The following ZDHHC20 variants were observed in gnomAD, a reference collection of about 807,000 sequenced individuals.
ZDHHC20 encodes palmitoyltransferase ZDHHC20.
In ZDHHC20, 43 loss-of-function variants were observed where a neutral mutation model predicts 57.8. The ratio of observed to expected loss-of-function variants is 0.74; its 90% CI spans 0.58 to 0.96. ZDHHC20 has a LOEUF of 0.96. ZDHHC20 is among the 40% of genes least tolerant of loss of function. The probability of loss-of-function intolerance (pLI) is 0.00; values close to 1 mark genes in which losing one functional copy is unlikely to be tolerated. For synonymous variants in ZDHHC20, 157 were observed against 153.0 expected (o/e 1.03, Z -0.19); for missense variants, 391 against 441.1 (o/e 0.89, Z 1.02).
intron 1 of ZDHHC20, among the ~76,000 whole-genome samples, chr13:21,448,375 C>T (rs1884048315): frequency 9.5e-6 from 1 of 104,760 alleles, no homozygotes. Context: ...GGTGGGGGGT[C>T]AGCCCCCCGC....
rs189205979 is a variant in ZDHHC20 at position 21,392,408 on chromosome 13, G to C, written c.595-554C>G. The stretch of plus-strand genomic sequence containing the variant: ...ATTTGCTGCTAACTAAAAACTAATT[G>C]TGAAATATTTTTGGACTTCTTTAAT... On this transcript the variant is annotated intron_variant, in intron 7 of 12. Coordinates refer to ENST00000400590, the MANE Select transcript of ZDHHC20 (RefSeq NM_001330059.2). 1.9e-3 allele frequency among the ~76,000 whole-genome samples: 293 copies of C among 152,234 alleles called. 1 individual carries two copies. Among genetic ancestry groups the C allele is most frequent in the Middle Eastern group, 6.8e-3 (2 of 294 alleles).
At chr13:21,392,997 T>C (rs907416945) in intron 7 of ZDHHC20, among the ~76,000 whole-genome samples, 2 of 152,184 alleles carry the variant, frequency 1.3e-5, no homozygotes, top group African/African-American at 4.8e-5. Context: ...CGGCAAAGCT[T>C]GTGCAAATAG....
At chr13:21,400,774 A>C (rs1877513107) in intron 6 of ZDHHC20, among the ~76,000 whole-genome samples, 1 of 152,002 alleles carries the variant, frequency 6.6e-6, no homozygotes, top group South Asian at 2.1e-4. Context: ...GCAGTGGCAC[A>C]ATCTCGGCTC....
intron 1 of ZDHHC20, among the ~76,000 whole-genome samples, chr13:21,448,340 G>A (rs1243472461): frequency 9.4e-6 from 1 of 106,926 alleles, no homozygotes; most frequent in Non-Finnish European, 2.2e-5. Flanking sequence ...CCCCCCGCCC[G>A]GCCAGCCGCC....
chr13:21,416,025 A>C (rs993246681), intron 3 of ZDHHC20, among the ~76,000 whole-genome samples: 35 of 150,458 alleles, frequency 2.3e-4, no homozygotes, highest in Non-Finnish European at 3.1e-4. Context: ...ACATGATGAA[A>C]CCCCCGCCTC....
At chr13:21,382,107 A>G (rs1873535118) in intron 10 of ZDHHC20, 1 of 332,152 alleles carries the variant, frequency 3.0e-6, no homozygotes, top group Non-Finnish European at 6.2e-6. Context: ...TCTTATACAC[A>G]TTATCTCAAC....
In ZDHHC20 at chr13:21,391,788, A is replaced by G. The variant is rs1407393983; in HGVS notation, c.661T>C (p.Phe221Leu). The change falls in exon 8 of 13, where the codon TTC becomes CTC. Residue 221 changes from phenylalanine (F) to leucine (L), a missense_variant. This residue lies in a region of ZDHHC20 where 197 missense variants were observed against 220.8 expected (regional missense o/e 0.89). Transcript: ENST00000400590. ...CTGAAAAGTGAGAGGACGCTGATGA[A>G]GAACATTGCAGACACAAAGAAAAGA... is the stretch of plus-strand genomic sequence containing the variant. ...LFLFFVSAMF[F>L]ISVLSLFSYH... 5 of 1,613,496 alleles carry G rather than the reference A, an allele frequency of 3.1e-6. No individual in the cohort carries two copies. The Admixed American group carries it at 8.3e-5, about 27-fold the overall frequency.
At chr13:21,378,797 T>C in intron 11 of ZDHHC20, 59 bp from the exon 12 acceptor site, 2 of 1,009,390 alleles carry the variant, frequency 2.0e-6, no homozygotes, top group South Asian at 2.5e-5. Flanking sequence ...AAGTATTAAG[T>C]TTCTGGCTAA....
At chr13:21,428,616 T>C (rs1182743460) in intron 1 of ZDHHC20, among the ~76,000 whole-genome samples, 4 of 151,568 alleles carry the variant, frequency 2.6e-5, no homozygotes. Flanking sequence ...ATCTCAGCAC[T>C]TTGGGAGGCT....
rs1423912906 is a variant in ZDHHC20, at chr13:21,459,178, C to T, written c.-7G>A. 1 of 1,593,586 alleles carries T rather than the reference C, an allele frequency of 6.3e-7. No individual in the cohort carries two copies. The highest frequency in any genetic ancestry group is 8.5e-7 in the Non-Finnish European group (1 of 1,172,000). ...ACAGCGTCCAGGGCGCCATGTTCCG[C>T]TGGCGGCTGCCGAGCCCCGCGTCCC... On this transcript the variant is annotated 5_prime_UTR_variant, in exon 1 of 13. Transcript: ENST00000400590.
Position 21,400,414 on chromosome 13 carries a change from C to T in ZDHHC20, c.553G>A (p.Val185Met), listed in dbSNP as rs377020404. 26 of 1,601,638 alleles carry T rather than the reference C, an allele frequency of 1.6e-5. No individual in the cohort carries two copies. The highest frequency in any genetic ancestry group is 1.3e-4 in the East Asian group (6 of 44,674). ...AAGTACTCTAAAACTGTTGCAGCCA[C>T]GAAAAGGCAATATAATAGGGAATAC... ...LLYSLLYCLF[V>M]AATVLEYFIK... The change falls in exon 7 of 13, where the codon GTG becomes ATG. Residue 185 changes from valine (V) to methionine (M), a missense_variant. Physicochemically the swap from Val to Met is conservative, Grantham distance 21. Coordinates refer to ENST00000400590, the MANE Select transcript of ZDHHC20 (RefSeq NM_001330059.2).
chr13:21,425,827 A>G, intron 1 of ZDHHC20, 149 bp from the exon 2 acceptor site: 1 of 476,532 alleles, frequency 2.1e-6, no homozygotes, highest in Non-Finnish European at 3.2e-6. Flanking sequence ...TCAAAATTGC[A>G]CTTAAAAAAC....
At chr13:21,438,353 T>C (rs566947789) in intron 1 of ZDHHC20, among the ~76,000 whole-genome samples, 22 of 152,108 alleles carry the variant, frequency 1.4e-4, no homozygotes, top group Non-Finnish European at 1.9e-4. Context: ...GGTCAAAATA[T>C]CAACATTAAC....
chr13:21,392,764 AAAG>A (rs1383170328), intron 7 of ZDHHC20, among the ~76,000 whole-genome samples: 4 of 152,342 alleles, frequency 2.6e-5, no homozygotes, highest in African/African-American at 9.6e-5. Flanking sequence ...TTACAGACTA[AAAG>A]AAGACTATTA....
chr13:21,441,429 A>T (rs1883144966), intron 1 of ZDHHC20, among the ~76,000 whole-genome samples: 1 of 147,994 alleles, frequency 6.8e-6, no homozygotes. Context: ...ACTGTCGCCC[A>T]GGCTGGAGTG....
chr13:21,434,261 C>G (rs1415024252), intron 1 of ZDHHC20, among the ~76,000 whole-genome samples: 2 of 152,136 alleles, frequency 1.3e-5, no homozygotes, highest in Admixed American at 6.5e-5. Context: ...ATTGAGAATT[C>G]TGGTTCTCAA....
At chr13:21,413,374 A>C (rs1393194965) in intron 4 of ZDHHC20, among the ~76,000 whole-genome samples, 1 of 152,178 alleles carries the variant, frequency 6.6e-6, no homozygotes, top group Admixed American at 6.5e-5. Flanking sequence ...ATAATAATTA[A>C]AATTTTTAGC....
intron 12 of ZDHHC20, chr13:21,377,678 G>C (rs1317065515): frequency 4.6e-6 from 1 of 217,602 alleles, no homozygotes; most frequent in East Asian, 1.8e-4. Context: ...TCCACCCCTA[G>C]TGCCTGTGAT....
chr13:21,404,029 T>C (rs2137809971), intron 4 of ZDHHC20, among the ~76,000 whole-genome samples: 1 of 152,180 alleles, frequency 6.6e-6, no homozygotes, highest in South Asian at 2.1e-4. Context: ...CCCTGAGGTG[T>C]GAGTATGCTT....
Sources: allele counts gnomAD v4.1 joint callset (sites outside exome capture counted in the v4.1 genomes callset), GRCh38; gene constraint gnomAD v4.1.1; regional missense constraint gnomAD v4.1.1; transcripts MANE v1.5; gene names NCBI Gene and HGNC (gene_info 2026-07-23, HGNC 2026-07-21).